Variants in KLHL4 observed in about 807,000 individuals in gnomAD.
KLHL4 encodes kelch like family member 4, also known as kelch-like protein 4.
KLHL4 carries 17 observed loss-of-function variants against 45.8 expected under a neutral mutation model. The observed-to-expected ratio is 0.37, with a 90% CI of 0.25 to 0.56. KLHL4 has a LOEUF of 0.56. Ranked by LOEUF, KLHL4 falls within the 20% of genes least tolerant of loss-of-function variation. The probability of loss-of-function intolerance (pLI) is 0.79; values close to 1 mark genes in which losing one functional copy is unlikely to be tolerated. For missense variants in KLHL4, 544 were observed against 544.9 expected (o/e 1.00, Z 0.02); for synonymous variants, 224 against 189.9 (o/e 1.18, Z -1.47).
chrX:87,532,541 C>T (rs1428775377), intron 1 of KLHL4, among the ~76,000 whole-genome samples: 29 of 103,453 alleles, frequency 2.8e-4, no homozygotes, highest in African/African-American at 7.7e-4. Flanking sequence ...GCCATTTTCA[C>T]GATATTGATT....
intron 1 of KLHL4, among the ~76,000 whole-genome samples, chrX:87,572,165 T>C (rs1293955238): frequency 9.0e-6 from 1 of 111,695 alleles, no homozygotes; most frequent in Admixed American, 9.5e-5. Context: ...GAATTACATC[T>C]TCTTGCATCA....
At chrX:87,550,948 A>G (rs778377760) in intron 1 of KLHL4, among the ~76,000 whole-genome samples, 2 of 111,218 alleles carry the variant, frequency 1.8e-5, no homozygotes, top group Non-Finnish European at 3.8e-5. Context: ...CCGGAAAAAG[A>G]CAAGGATGCC....
At chrX:87,592,140 C>T (rs1209216385) in intron 1 of KLHL4, among the ~76,000 whole-genome samples, 1 of 111,594 alleles carries the variant, frequency 9.0e-6, no homozygotes, top group Admixed American at 9.6e-5. Flanking sequence ...GCTTAATTCA[C>T]TTAACATAGT....
chrX:87,625,785 A>G lies in KLHL4; in HGVS notation c.1313A>G (p.Asp438Gly), dbSNP rs752028176. 11 of 1,193,889 alleles carry G rather than the reference A, an allele frequency of 9.2e-6. No individual in the cohort carries two copies. The East Asian group carries it at 3.3e-4, about 36-fold the overall frequency. ...VGALYAVGGM[D>G]AMKGTTTIEK... Reference sequence around the variant, plus strand: ...GCACTTTATGCTGTAGGAGGCATGGATGCTATGAAAGGTAAAAATAACTTA... The same window carrying G: ...GCACTTTATGCTGTAGGAGGCATGGGTGCTATGAAAGGTAAAAATAACTTA... Residue 438 changes from aspartate (D) to glycine (G), a missense_variant, in exon 6 of 11, where the codon GAT (aspartate) becomes GGT (glycine). By Grantham distance (94) the Asp-to-Gly change is moderately conservative. Coordinates refer to ENST00000373119, the MANE Select transcript of KLHL4 (RefSeq NM_019117.5).
Position 87,634,193 on chromosome X carries a change from G to C in KLHL4, c.1712+282G>C, listed in dbSNP as rs758783589. Among the ~76,000 whole-genome samples, 5 of 111,670 alleles carry C rather than the reference G, an allele frequency of 4.5e-5. No homozygotes were observed. In the South Asian group the frequency reaches 1.9e-3, roughly 42 times the overall value. ...AATGCTGAATCCTAGCCCCGACCCA[G>C]CTTTTATAGGCAAGCCAGTTCTAAT... On this transcript the variant is annotated intron_variant, in intron 8 of 10. Coordinates refer to ENST00000373119, the MANE Select transcript of KLHL4 (RefSeq NM_019117.5).
chrX:87,580,670 A>G (rs1232454230), intron 1 of KLHL4, among the ~76,000 whole-genome samples: 1 of 112,252 alleles, frequency 8.9e-6, no homozygotes, highest in Non-Finnish European at 1.9e-5. Flanking sequence ...TCAAGAAGAT[A>G]TAAGAATTAT....
At chrX:87,645,633 A>G (rs1256111025) in intron 9 of KLHL4, among the ~76,000 whole-genome samples, 1 of 111,927 alleles carries the variant, frequency 8.9e-6, no homozygotes, top group Non-Finnish European at 1.9e-5. Flanking sequence ...CACACTTGCA[A>G]AACTGTGGAA....
chrX:87,556,732 A>T (rs1411324094), intron 1 of KLHL4, among the ~76,000 whole-genome samples: 6 of 107,884 alleles, frequency 5.6e-5, no homozygotes, highest in Non-Finnish European at 1.1e-4. Flanking sequence ...TTCACATTGG[A>T]CCTCTTTGAG....
At chrX:87,557,376 G>A (rs1389351591) in intron 1 of KLHL4, among the ~76,000 whole-genome samples, 1 of 111,453 alleles carries the variant, frequency 9.0e-6, no homozygotes. Flanking sequence ...CAACTTTTAT[G>A]GATAGCAGCA....
intron 1 of KLHL4, among the ~76,000 whole-genome samples, chrX:87,560,925 G>A (rs779270995): frequency 9.9e-5 from 11 of 111,076 alleles, no homozygotes; most frequent in Non-Finnish European, 2.1e-4. Context: ...TCCTTTAAAA[G>A]CCTGATTTCA....
chrX:87,623,288 C>T (rs368586587), intron 5 of KLHL4, among the ~76,000 whole-genome samples: 19 of 50,208 alleles, frequency 3.8e-4, no homozygotes, highest in Middle Eastern at 0.022. Context: ...TTCCTTTTTT[C>T]TTTTTTTTTT....
intron 1 of KLHL4, among the ~76,000 whole-genome samples, chrX:87,598,950 G>A (rs1399677290): frequency 9.0e-6 from 1 of 110,690 alleles, no homozygotes; most frequent in Non-Finnish European, 1.9e-5. Flanking sequence ...CATGCGTAGT[G>A]CAACATTTTG....
At chrX:87,623,288 CTTTTTTTTTTTTT>C (rs67869297) in intron 5 of KLHL4, among the ~76,000 whole-genome samples, 2 of 50,207 alleles carry the variant, frequency 4.0e-5, no homozygotes, top group Admixed American at 3.2e-4. Flanking sequence ...TTCCTTTTTT[CTTTTTTTTTTTTT>C]TTTTTTTTTT....
At chrX:87,627,474 C>T (rs1226130505) in intron 6 of KLHL4, among the ~76,000 whole-genome samples, 1 of 111,043 alleles carries the variant, frequency 9.0e-6, no homozygotes, top group Non-Finnish European at 1.9e-5. Context: ...AATCATAAGC[C>T]CATAAAACAA....
intron 1 of KLHL4, among the ~76,000 whole-genome samples, chrX:87,540,190 C>A (rs1232110815): frequency 9.0e-6 from 1 of 111,345 alleles, no homozygotes; most frequent in Admixed American, 9.6e-5. Context: ...TGGTGAGTGA[C>A]TGTGAAGGCC....
At chrX:87,645,869 G>A (rs1923613511) in intron 9 of KLHL4, among the ~76,000 whole-genome samples, 1 of 110,977 alleles carries the variant, frequency 9.0e-6, no homozygotes, top group African/African-American at 3.3e-5. Context: ...AAAGGCACAA[G>A]AATGATACAA....
rs185487281 is a variant in KLHL4 at position 87,627,805 on chromosome X, G to C, written c.1324+2009G>C. On this transcript the variant is annotated intron_variant, in intron 6 of 10. Transcript: ENST00000373119. Reference sequence around the variant, plus strand: ...GAAAAAAGCCTAATTTGCATTGTGAGAAATGGAAAACTTTGTGTTTGTTTG... The same window carrying C: ...GAAAAAAGCCTAATTTGCATTGTGACAAATGGAAAACTTTGTGTTTGTTTG... Among the ~76,000 whole-genome samples, 307 of 111,983 alleles carry C rather than the reference G, an allele frequency of 2.7e-3. 3 individuals are homozygous for C. In the South Asian group the frequency reaches 0.048, roughly 17 times the overall value.
chrX:87,525,487 TA>T (rs1029646985), intron 1 of KLHL4, among the ~76,000 whole-genome samples: 4 of 111,557 alleles, frequency 3.6e-5, no homozygotes, highest in Non-Finnish European at 7.5e-5. Context: ...TCCATTTAGA[TA>T]ATCATTTCAC....
intron 9 of KLHL4, among the ~76,000 whole-genome samples, chrX:87,642,931 G>A: frequency 8.9e-6 from 1 of 111,834 alleles, no homozygotes; most frequent in Non-Finnish European, 1.9e-5. Flanking sequence ...AACAATAATA[G>A]GTGTTCCTGA....
Sources: gnomAD v4.1 joint callset for allele counts (sites outside exome capture counted in the v4.1 genomes callset) on GRCh38, gnomAD v4.1.1 for gene constraint, MANE v1.5 for transcripts, NCBI Gene and HGNC (gene_info 2026-07-23, HGNC 2026-07-21) for gene names.